Variants in ZDBF2 observed in about 807,000 individuals in gnomAD.
ZDBF2 encodes the protein DBF4-type zinc finger-containing protein 2.
ZDBF2 carries 6 observed loss-of-function variants against 9.4 expected under a neutral mutation model. The ratio of observed to expected loss-of-function variants is 0.64; its 90% CI spans 0.35 to 1.27. The LOEUF (loss-of-function observed/expected upper bound fraction) is 1.27. Ranked by LOEUF, ZDBF2 falls within the 50% of genes most tolerant of loss-of-function variation. The probability of loss-of-function intolerance (pLI) is 0.03; values close to 1 mark genes in which losing one functional copy is unlikely to be tolerated. For synonymous variants in ZDBF2, 905 were observed against 946.3 expected (o/e 0.96, Z 0.80); for missense variants, 2,697 against 2,766.8 (o/e 0.97, Z 0.57).
chr2:206,294,044 A>G (rs1000411190), intron 3 of ZDBF2, among the ~76,000 whole-genome samples: 8 of 152,210 alleles, frequency 5.3e-5, no homozygotes, highest in African/African-American at 1.2e-4. Flanking sequence ...TATTCATACA[A>G]TGAATATGCA....
chr2:206,307,781 G>C lies in ZDBF2; in HGVS notation c.3253G>C (p.Glu1085Gln). The stretch of plus-strand genomic sequence containing the variant: ...TGATTCTAAAATAACTTTTGATTCT[G>C]AACAACTTCAGGAAGCGGTTAAAAA... ...SGDSKITFDS[E>Q]QLQEAVKKID... The change falls in exon 5 of 5, where the codon GAA becomes CAA. Residue 1085 changes from glutamate to glutamine, a missense_variant. Physicochemically the swap from Glu to Gln is conservative, Grantham distance 29 (BLOSUM62 2). Around this residue, in one of 3 missense-constraint regions of ZDBF2, gnomAD observed 1,783 missense variants for 1,776.5 expected, o/e 1.00. Coordinates refer to ENST00000374423, the MANE Select transcript of ZDBF2 (RefSeq NM_020923.3). 1 of 1,610,350 alleles carries C rather than the reference G, an allele frequency of 6.2e-7. No individual in the cohort carries two copies.
At position 206,309,197 on chromosome 2, in the gene ZDBF2, G is replaced by T. The variant is rs1693000026; in HGVS notation, c.4669G>T (p.Val1557Phe). 1 of 1,608,146 alleles carries T rather than the reference G, an allele frequency of 6.2e-7. No homozygotes were observed. The highest frequency in any genetic ancestry group is 8.5e-7 in the Non-Finnish European group (1 of 1,176,742). Reference sequence around the variant, plus strand: ...AGTGACTGACCCACCTCAGTTGACTGTCAAAGATATCAGCTGTATAAATAC... The same window carrying T: ...AGTGACTGACCCACCTCAGTTGACTTTCAAAGATATCAGCTGTATAAATAC... ...QLVTDPPQLT[V>F]KDISCINTEC... is the part of the protein sequence containing the mutation. The change falls in exon 5 of 5, where the codon GTC becomes TTC. Residue 1557 changes from valine to phenylalanine, a missense_variant. Val to Phe is a conservative substitution (Grantham distance 50). Coordinates refer to ENST00000374423, the MANE Select transcript of ZDBF2 (RefSeq NM_020923.3).
Position 206,313,989 on chromosome 2 carries a change from A to G in ZDBF2, c.*2396A>G, listed in dbSNP as rs1693296048. ...CTTTCAGAATTTGGTAGTATACAAG[A>G]TGTGCCCCTTTGTCTAAATAAATGT... On this transcript the variant is annotated 3_prime_UTR_variant, in exon 5 of 5. Coordinates refer to ENST00000374423, the MANE Select transcript of ZDBF2 (RefSeq NM_020923.3). 1 of 152,224 alleles carries G rather than the reference A, an allele frequency of 6.6e-6. No homozygotes were observed. Among genetic ancestry groups the G allele is most frequent in the Non-Finnish European group, 1.5e-5 (1 of 68,016 alleles). The allele number at this position is 152,224 out of a possible 1,614,324, so 9.4% of individuals were successfully genotyped here.
intron 4 of ZDBF2, among the ~76,000 whole-genome samples, chr2:206,299,200 G>C (rs1692366957): frequency 6.6e-6 from 1 of 152,046 alleles, no homozygotes; most frequent in Non-Finnish European, 1.5e-5. Context: ...TATTTCTATG[G>C]TATAGCTTGC....
chr2:206,305,764 C>T lies in ZDBF2; in HGVS notation c.1236C>T (p.Ser412=), dbSNP rs1402522071. The T allele has an allele frequency of 1.2e-6, 2 of 1,613,566 alleles. No individual in the cohort carries two copies. Among genetic ancestry groups the T allele is most frequent in the Non-Finnish European group, 1.7e-6 (2 of 1,179,812 alleles). The stretch of plus-strand genomic sequence containing the variant: ...CAGAAATGAGTTTTGATTGCAGTTC[C>T]TCTTTTCATTCACTGACTGACCAAT... ...RGSEMSFDCS[S]SFHSLTDQSK... is the part of the protein sequence containing the mutation. The change falls in exon 5 of 5, where the codon TCC becomes TCT. Residue 412 remains serine, a synonymous_variant. Transcript: ENST00000374423.
At chr2:206,275,555 A>G (rs1474348822) in intron 1 of ZDBF2, among the ~76,000 whole-genome samples, 2 of 152,210 alleles carry the variant, frequency 1.3e-5, no homozygotes, top group Admixed American at 6.5e-5. Context: ...GAAGGGCCTT[A>G]CCAGCTCCTG....
At position 206,308,123 on chromosome 2, in the gene ZDBF2, G is replaced by A. The variant is rs747246660; in HGVS notation, c.3595G>A (p.Val1199Ile). 1 of 1,613,966 alleles carries A rather than the reference G, an allele frequency of 6.2e-7. No individual in the cohort carries two copies. Among genetic ancestry groups the A allele is most frequent in the Non-Finnish European group, 8.5e-7 (1 of 1,179,840 alleles). ...GKHNQCCGSE[V>I]SFDSDDPLQS... is the part of the protein sequence containing the mutation. ...GCACAATCAATGTTGTGGTTCTGAA[G>A]TAAGTTTTGATTCTGATGACCCTCT... The change falls in exon 5 of 5, where the codon GTA becomes ATA. Residue 1199 changes from valine to isoleucine, a missense_variant. Coordinates refer to ENST00000374423, the MANE Select transcript of ZDBF2 (RefSeq NM_020923.3).
At chr2:206,294,866 AC>A (rs1692085891) in intron 3 of ZDBF2, among the ~76,000 whole-genome samples, 1 of 152,206 alleles carries the variant, frequency 6.6e-6, no homozygotes, top group Non-Finnish European at 1.5e-5. Context: ...ATGTATATGT[AC>A]CACATATTCT....
At chr2:206,292,003 G>T in intron 3 of ZDBF2, 1 of 398,194 alleles carries the variant, frequency 2.5e-6, no homozygotes, top group Non-Finnish European at 4.4e-6. Context: ...AAGGGAATTT[G>T]TCACCAGCAG....
chr2:206,306,215 C>T lies in ZDBF2; in HGVS notation c.1687C>T (p.Arg563Trp), dbSNP rs771789452. The T allele has an allele frequency of 9.9e-6, 16 of 1,613,366 alleles. No homozygotes were observed. The highest frequency in any genetic ancestry group is 6.7e-5 in the African/African-American group (5 of 74,934). Residue 563 changes from arginine (R) to tryptophan (W), a missense_variant, in exon 5 of 5, where the codon CGG (arginine) becomes TGG (tryptophan). Physicochemically the swap from Arg to Trp is moderately radical, Grantham distance 101. Coordinates refer to ENST00000374423, the MANE Select transcript of ZDBF2 (RefSeq NM_020923.3). ...PPVAVTETKL[R>W]KKAHTSLVDN... ...AGTGGCTGTCACAGAAACAAAACTT[C>T]GGAAGAAGGCTCATACCAGCTTGGT...
intron 3 of ZDBF2, among the ~76,000 whole-genome samples, chr2:206,295,363 C>CTTTTTTTTTTTTTTTTTTTTT (rs571707187): frequency 9.0e-6 from 1 of 110,982 alleles, no homozygotes; most frequent in African/African-American, 3.4e-5. Flanking sequence ...CTTTTCTTTT[C>CTTTTTTTTTTTTTTTTTTTTT]TTTTTTTTTT....
At chr2:206,282,999 A>G (rs578011457) in intron 3 of ZDBF2, among the ~76,000 whole-genome samples, 4 of 152,188 alleles carry the variant, frequency 2.6e-5, no homozygotes, top group Non-Finnish European at 5.9e-5. Context: ...TCTTTAATGT[A>G]GCGTAATATT....
At position 206,299,910 on chromosome 2, in the gene ZDBF2, C is replaced by A. The variant is rs547493974; in HGVS notation, c.188+2537C>A. On this transcript the variant is annotated intron_variant, in intron 4 of 4. Coordinates refer to ENST00000374423, the MANE Select transcript of ZDBF2 (RefSeq NM_020923.3). ...ATCACCTGAGGTCGGGAGTTTGAGACCAGCCTGACCAACATGGAGAAACCC... is the reference window on the plus strand; with the variant it reads ...ATCACCTGAGGTCGGGAGTTTGAGAACAGCCTGACCAACATGGAGAAACCC... 2.7e-4 allele frequency among the ~76,000 whole-genome samples: 41 copies of A among 152,156 alleles called. No homozygotes were observed. In the East Asian group the frequency reaches 7.7e-3, roughly 29 times the overall value.
At chr2:206,277,754 C>T (rs897318830) in intron 1 of ZDBF2, among the ~76,000 whole-genome samples, 3 of 149,566 alleles carry the variant, frequency 2.0e-5, no homozygotes, top group Non-Finnish European at 4.4e-5. Flanking sequence ...AAGCAACAGT[C>T]CCCATACTAA....
Position 206,307,763 on chromosome 2 carries a change from A to C in ZDBF2, c.3235A>C (p.Lys1079Gln). The change falls in exon 5 of 5, where the codon AAA becomes CAA. Residue 1079 changes from lysine (K) to glutamine (Q), a missense_variant. Coordinates refer to ENST00000374423, the MANE Select transcript of ZDBF2 (RefSeq NM_020923.3). ...CAAAAACAGTAAATCAGGTGATTCT[A>C]AAATAACTTTTGATTCTGAACAACT... ...KDKNSKSGDS[K>Q]ITFDSEQLQE... 1 of 1,611,626 alleles carries C rather than the reference A, an allele frequency of 6.2e-7. No homozygotes were observed. The highest frequency in any genetic ancestry group is 8.5e-7 in the Non-Finnish European group (1 of 1,179,348).
rs373970758 is a variant in ZDBF2, at chr2:206,307,606, A to G, written c.3078A>G (p.Gln1026=). The change falls in exon 5 of 5, where the codon CAA becomes CAG. Residue 1026 remains glutamine, a synonymous_variant. Transcript: ENST00000374423. ...VAVNKINRKK[Q]YVLENKNDKC... The stretch of plus-strand genomic sequence containing the variant: ...TTAACAAAATAAACAGAAAGAAGCA[A>G]TATGTTCTAGAAAACAAGAATGATA... 9.3e-6 allele frequency: 15 copies of G among 1,612,488 alleles called. No individual in the cohort carries two copies. Among genetic ancestry groups the G allele is most frequent in the South Asian group, 7.7e-5 (7 of 90,594 alleles).
chr2:206,300,049 C>T (rs1460103486), intron 4 of ZDBF2, among the ~76,000 whole-genome samples: 5 of 152,124 alleles, frequency 3.3e-5, no homozygotes, highest in East Asian at 1.9e-4. Flanking sequence ...GCGGAGGTTG[C>T]GGTGAGCTGA....
At chr2:206,294,151 C>A (rs1192472682) in intron 3 of ZDBF2, among the ~76,000 whole-genome samples, 1 of 152,006 alleles carries the variant, frequency 6.6e-6, no homozygotes, top group Non-Finnish European at 1.5e-5. Flanking sequence ...TATTATATGA[C>A]TCCATTTATA....
intron 3 of ZDBF2, among the ~76,000 whole-genome samples, chr2:206,292,993 A>G (rs187327612): frequency 2.0e-5 from 3 of 152,204 alleles, no homozygotes; most frequent in African/African-American, 7.2e-5. Context: ...GTGGGAAAGT[A>G]AAAGGCTCAG....
Sources: gnomAD v4.1 joint callset for allele counts (sites outside exome capture counted in the v4.1 genomes callset) on GRCh38, gnomAD v4.1.1 for gene constraint, gnomAD v4.1.1 regional missense constraint, MANE v1.5 for transcripts, NCBI Gene and HGNC (gene_info 2026-07-23, HGNC 2026-07-21) for gene names.